Variants in ENAH observed in about 807,000 individuals in gnomAD.
ENAH encodes protein enabled homolog.
In ENAH, 23 loss-of-function variants were observed where a neutral mutation model predicts 78.7. That is an observed-to-expected ratio of 0.29 (90% CI 0.21 to 0.41). ENAH has a LOEUF of 0.41. Among genes scored for constraint, ENAH ranks in the 10% least tolerant of loss-of-function variants. The probability of loss-of-function intolerance (pLI) is 1.00; values close to 1 mark genes in which losing one functional copy is unlikely to be tolerated. For missense variants in ENAH, 544 were observed against 691.0 expected (o/e 0.79, Z 2.39); for synonymous variants, 226 against 241.0 (o/e 0.94, Z 0.58).
At chr1:225,582,912 T>C (rs1014893943) in intron 1 of ENAH, among the ~76,000 whole-genome samples, 4 of 152,162 alleles carry the variant, frequency 2.6e-5, no homozygotes, top group South Asian at 2.1e-4. Context: ...CAAGTAGGTA[T>C]ATCACAGTTG....
chr1:225,498,466 C>A, intron 12 of ENAH, 62 bp from the exon 13 acceptor site: 3 of 1,042,526 alleles, frequency 2.9e-6, no homozygotes, highest in Non-Finnish European at 4.2e-6. Context: ...GAGATTCTTA[C>A]TCATAAAATT....
At chr1:225,549,308 TG>T (rs2096630497) in intron 3 of ENAH, among the ~76,000 whole-genome samples, 1 of 152,202 alleles carries the variant, frequency 6.6e-6, no homozygotes, top group African/African-American at 2.4e-5. Flanking sequence ...GAACCGCAAA[TG>T]GAGTATATCC....
chr1:225,631,007 C>T (rs1043882682), intron 1 of ENAH, among the ~76,000 whole-genome samples: 8 of 152,252 alleles, frequency 5.3e-5, no homozygotes, highest in South Asian at 2.1e-4. Context: ...ACTTCACCGA[C>T]CTTAAATATA....
At chr1:225,510,916 G>T (rs943740342) in intron 10 of ENAH, among the ~76,000 whole-genome samples, 3 of 152,004 alleles carry the variant, frequency 2.0e-5, no homozygotes, top group African/African-American at 7.3e-5. Flanking sequence ...AGGGGGCTGG[G>T]GGGCTAAGGT....
chr1:225,536,265 G>A (rs2096560982), intron 3 of ENAH, among the ~76,000 whole-genome samples: 1 of 152,126 alleles, frequency 6.6e-6, no homozygotes, highest in African/African-American at 2.4e-5. Flanking sequence ...TTTAGCTTAA[G>A]TGTCAATGAA....
At chr1:225,512,420 T>C (rs955996885) in intron 9 of ENAH, among the ~76,000 whole-genome samples, 10 of 152,046 alleles carry the variant, frequency 6.6e-5, no homozygotes, top group African/African-American at 2.4e-4. Context: ...ACTCCACAGG[T>C]TTGAACTTCA....
rs2096738606 is a variant in ENAH, at chr1:225,567,102, A to C, written c.171+147T>G. ...TAAGTTCAGGCTTCATAAAAGGTAG[A>C]AAGGGTGGAGAGACAATTTTATATT... On this transcript the variant is annotated intron_variant, in intron 2 of 13. Coordinates refer to ENST00000366843, the MANE Select transcript of ENAH (RefSeq NM_018212.6). 3 of 786,046 alleles carry C rather than the reference A, an allele frequency of 3.8e-6. No homozygotes were observed. In the South Asian group the frequency reaches 6.8e-5, roughly 18 times the overall value. 48.7% of individuals were successfully genotyped at this position (786,046 alleles called of 1,614,324 possible).
intron 1 of ENAH, among the ~76,000 whole-genome samples, chr1:225,593,400 T>TGGGGGGGG (rs1456095465): frequency 9.8e-5 from 2 of 20,456 alleles, no homozygotes; most frequent in African/African-American, 2.1e-4. Context: ...TGTGTGTGTG[T>TGGGGGGGG]GGGGGGGGGG....
intron 2 of ENAH, among the ~76,000 whole-genome samples, chr1:225,555,741 C>A (rs952969732): frequency 1.3e-5 from 2 of 152,092 alleles, no homozygotes; most frequent in African/African-American, 4.8e-5. Flanking sequence ...ATTAAGAAAT[C>A]AAACAGCAAC....
At chr1:225,501,283 AGAAAAAG>A in intron 11 of ENAH, 2 of 464,838 alleles carry the variant, frequency 4.3e-6, no homozygotes, top group Non-Finnish European at 7.6e-6. Context: ...TAAAGGAACT[AGAAAAAG>A]GTGACAAGAT....
At chr1:225,528,486 T>C (rs1031715090) in intron 4 of ENAH, among the ~76,000 whole-genome samples, 1 of 152,080 alleles carries the variant, frequency 6.6e-6, no homozygotes, top group African/African-American at 2.4e-5. Flanking sequence ...GAGGCAGCCA[T>C]AAGGAATGCT....
intron 11 of ENAH, among the ~76,000 whole-genome samples, chr1:225,505,632 A>AAGCAGCTAG (rs5781408): frequency 6.6e-6 from 1 of 152,006 alleles, no homozygotes; most frequent in Non-Finnish European, 1.5e-5. Flanking sequence ...GACATACTTA[A>AAGCAGCTAG]TACACTTGCT....
At chr1:225,637,513 T>C (rs1413369230) in intron 1 of ENAH, among the ~76,000 whole-genome samples, 1 of 152,058 alleles carries the variant, frequency 6.6e-6, no homozygotes, top group African/African-American at 2.4e-5. Context: ...GGCCTTTTTT[T>C]CAGGAGAAAG....
At chr1:225,561,059 C>T (rs2096702061) in intron 2 of ENAH, among the ~76,000 whole-genome samples, 1 of 151,668 alleles carries the variant, frequency 6.6e-6, no homozygotes, top group African/African-American at 2.4e-5. Context: ...CATGGTGAAA[C>T]CCTGTCTCTA....
At chr1:225,522,365 C>T (rs1202869314) in intron 4 of ENAH, among the ~76,000 whole-genome samples, 1 of 152,154 alleles carries the variant, frequency 6.6e-6, no homozygotes, top group African/African-American at 2.4e-5. Flanking sequence ...CTGGACATAC[C>T]ATCACACTTA....
At chr1:225,586,871 A>G (rs2096849939) in intron 1 of ENAH, among the ~76,000 whole-genome samples, 1 of 151,470 alleles carries the variant, frequency 6.6e-6, no homozygotes, top group South Asian at 2.1e-4. Context: ...TAAAAATACA[A>G]AAAGTAGCCA....
chr1:225,551,068 T>C (rs1218564309), intron 3 of ENAH, among the ~76,000 whole-genome samples: 1 of 152,160 alleles, frequency 6.6e-6, no homozygotes, highest in Non-Finnish European at 1.5e-5. Flanking sequence ...AAATCAAAAA[T>C]ATCACTTTAG....
intron 5 of ENAH, 149 bp from the exon 6 acceptor site, chr1:225,517,455 G>C (rs1000715594): frequency 7.9e-5 from 122 of 1,551,606 alleles, no homozygotes; most frequent in Non-Finnish European, 1.0e-4. Context: ...CTGGCCCTGA[G>C]GTAGGCGGTG....
intron 1 of ENAH, among the ~76,000 whole-genome samples, 190 bp from the exon 2 acceptor site, chr1:225,567,604 AT>A (rs2096741296): frequency 6.6e-6 from 1 of 152,158 alleles, no homozygotes; most frequent in Non-Finnish European, 1.5e-5. Context: ...ACCAAAAAAA[AT>A]AAAGTATAAT....
Sources: gnomAD v4.1 joint callset for allele counts (sites outside exome capture counted in the v4.1 genomes callset) on GRCh38, gnomAD v4.1.1 for gene constraint, MANE v1.5 for transcripts, NCBI Gene and HGNC (gene_info 2026-07-23, HGNC 2026-07-21) for gene names.